PCDH9: variants seen among roughly 807,000 people sequenced by gnomAD.
The protein encoded by PCDH9 is protocadherin 9, also known as protocadherin-9.
Under a neutral mutation model 70.6 loss-of-function variants are expected in PCDH9, and 24 were observed. The ratio of observed to expected loss-of-function variants is 0.34; its 90% CI spans 0.25 to 0.48. PCDH9 has a LOEUF of 0.48. Among genes scored for constraint, PCDH9 ranks in the 20% least tolerant of loss-of-function variants. PCDH9 has a pLI of 0.99. For missense variants in PCDH9, 1,281 were observed against 1,503.6 expected (o/e 0.85, Z 2.45); for synonymous variants, 562 against 558.5 (o/e 1.01, Z -0.09).
chr13:66,325,073 A>T (rs1398822017), intron 4 of PCDH9, among the ~76,000 whole-genome samples: 2 of 152,004 alleles, frequency 1.3e-5, no homozygotes, highest in Non-Finnish European at 2.9e-5. Flanking sequence ...TTATTATAGT[A>T]ATAATATAGA....
chr13:66,467,766 C>A (rs918321335), intron 4 of PCDH9, among the ~76,000 whole-genome samples: 7 of 152,034 alleles, frequency 4.6e-5, no homozygotes, highest in African/African-American at 1.4e-4. Context: ...AACCCTAAGT[C>A]CTACTCCAAT....
chr13:66,548,460 G>A (rs531957269), intron 4 of PCDH9, among the ~76,000 whole-genome samples: 1 of 152,146 alleles, frequency 6.6e-6, no homozygotes, highest in East Asian at 1.9e-4. Context: ...GGCTACTAGG[G>A]AGGCTGAGGT....
chr13:67,229,919 G>C lies in PCDH9; in HGVS notation c.-275C>G, dbSNP rs2089969423. The C allele has an allele frequency of 2.0e-5, 3 of 152,190 alleles. No homozygotes were observed. The highest frequency in any genetic ancestry group is 2.0e-4 in the Admixed American group (3 of 15,278). 9.4% of individuals were successfully genotyped at this position (152,190 alleles called of 1,614,324 possible). On this transcript the variant is annotated 5_prime_UTR_variant, in exon 1 of 5. Coordinates refer to ENST00000377865, the MANE Select transcript of PCDH9 (RefSeq NM_203487.3). ...GCAAAATGTTTCCTCCTTGTAAAAT[G>C]TGTTGCTTCGGGCTGGCAAATTAGC...
intron 4 of PCDH9, among the ~76,000 whole-genome samples, chr13:66,515,880 T>C (rs574716493): frequency 6.6e-6 from 1 of 152,114 alleles, no homozygotes; most frequent in Admixed American, 6.6e-5. Context: ...GCTACACAAG[T>C]TTTTTGAGAA....
At chr13:66,716,640 T>C (rs1212737403) in intron 3 of PCDH9, among the ~76,000 whole-genome samples, 2 of 152,172 alleles carry the variant, frequency 1.3e-5, no homozygotes, top group African/African-American at 4.8e-5. Context: ...ATGATTCTTC[T>C]CCCTGGCATT....
intron 4 of PCDH9, among the ~76,000 whole-genome samples, chr13:66,509,465 G>A (rs898607808): frequency 6.6e-6 from 1 of 152,136 alleles, no homozygotes; most frequent in African/African-American, 2.4e-5. Flanking sequence ...ATAACTAAAT[G>A]AGCTTGACAC....
chr13:66,464,816 G>A (rs1377016340), intron 4 of PCDH9, among the ~76,000 whole-genome samples: 1 of 151,906 alleles, frequency 6.6e-6, no homozygotes, highest in Non-Finnish European at 1.5e-5. Context: ...TCTTAATGCT[G>A]AGGTGTCTTT....
At chr13:66,342,144 T>C (rs1451039409) in intron 4 of PCDH9, among the ~76,000 whole-genome samples, 1 of 152,194 alleles carries the variant, frequency 6.6e-6, no homozygotes, top group African/African-American at 2.4e-5. Flanking sequence ...TTAAAATGAA[T>C]CTGAACATAT....
At chr13:66,686,892 T>C (rs1317456522) in intron 3 of PCDH9, among the ~76,000 whole-genome samples, 2 of 152,130 alleles carry the variant, frequency 1.3e-5, no homozygotes, top group African/African-American at 4.8e-5. Flanking sequence ...AAATTTAAAT[T>C]ATAACCTCCA....
chr13:66,327,306 T>C (rs1283802173), intron 4 of PCDH9, among the ~76,000 whole-genome samples: 2 of 152,174 alleles, frequency 1.3e-5, no homozygotes, highest in African/African-American at 4.8e-5. Context: ...CCCCAGTATC[T>C]AGTTCCATAT....
chr13:66,383,003 G>A (rs1177848544), intron 4 of PCDH9, among the ~76,000 whole-genome samples: 2 of 148,242 alleles, frequency 1.3e-5, no homozygotes, highest in African/African-American at 5.0e-5. Flanking sequence ...ACTCCAGCCT[G>A]AGCAATAGAG....
intron 2 of PCDH9, among the ~76,000 whole-genome samples, chr13:67,081,449 T>C (rs2085981330): frequency 6.6e-6 from 1 of 152,048 alleles, no homozygotes; most frequent in African/African-American, 2.4e-5. Flanking sequence ...GCACCTGTAA[T>C]CCCAGCTACT....
At chr13:67,081,409 A>C (rs1287960100) in intron 2 of PCDH9, among the ~76,000 whole-genome samples, 1 of 152,102 alleles carries the variant, frequency 6.6e-6, no homozygotes, top group Admixed American at 6.6e-5. Flanking sequence ...TCCCTACTTA[A>C]AATACAAAAT....
chr13:66,986,908 G>C (rs2083902579), intron 2 of PCDH9, among the ~76,000 whole-genome samples: 2 of 151,612 alleles, frequency 1.3e-5, no homozygotes, highest in Non-Finnish European at 2.9e-5. Flanking sequence ...CATTACTATA[G>C]TATCTATGTA....
At chr13:66,684,034 T>G (rs555433257) in intron 3 of PCDH9, among the ~76,000 whole-genome samples, 1 of 152,338 alleles carries the variant, frequency 6.6e-6, no homozygotes, top group East Asian at 1.9e-4. Flanking sequence ...GGGATGTTTC[T>G]TATAGTTGTA....
intron 4 of PCDH9, among the ~76,000 whole-genome samples, chr13:66,492,683 G>A (rs1397789810): frequency 6.6e-6 from 1 of 151,882 alleles, no homozygotes; most frequent in African/African-American, 2.4e-5. Flanking sequence ...ACTCAGAGAT[G>A]GTGGAAGCCT....
In PCDH9 at chr13:66,315,741, A is replaced by G. The variant is rs375413992; in HGVS notation, c.3341-10713T>C. Among the ~76,000 whole-genome samples, 14 of 152,300 alleles carry G rather than the reference A, an allele frequency of 9.2e-5. No homozygotes were observed. The East Asian group carries it at 2.3e-3, about 25-fold the overall frequency. On this transcript the variant is annotated intron_variant, in intron 4 of 4. Transcript: ENST00000377865. ...GGTGATCTGCCCTCCTTGGCCTCCC[A>G]AAGTACTGGGATTACAGGCGTGAGC...
chr13:66,360,041 A>C (rs1045006323), intron 4 of PCDH9, among the ~76,000 whole-genome samples: 1 of 152,060 alleles, frequency 6.6e-6, no homozygotes, highest in African/African-American at 2.4e-5. Context: ...TCTTAAGTAA[A>C]AGACATTTGG....
At chr13:66,796,642 G>GTGCA (rs1555269883) in intron 3 of PCDH9, among the ~76,000 whole-genome samples, 1 of 151,790 alleles carries the variant, frequency 6.6e-6, no homozygotes, top group Non-Finnish European at 1.5e-5. Context: ...CAGAATATAG[G>GTGCA]TTCACTGTAG....
Sources: gnomAD v4.1 joint callset for allele counts (sites outside exome capture counted in the v4.1 genomes callset) on GRCh38, gnomAD v4.1.1 for gene constraint, MANE v1.5 for transcripts, NCBI Gene and HGNC (gene_info 2026-07-23, HGNC 2026-07-21) for gene names.